The following REPS2 variants were observed in gnomAD, a reference collection of about 807,000 sequenced individuals.
REPS2 encodes the protein ralBP1-associated Eps domain-containing protein 2.
A neutral mutation model predicts 53.6 loss-of-function variants in REPS2; 23 were observed. That is an observed-to-expected ratio of 0.43 (90% CI 0.31 to 0.61). The LOEUF (loss-of-function observed/expected upper bound fraction) is 0.61. REPS2 is among the 20% of genes least tolerant of loss of function. The pLI is 0.11. For missense variants in REPS2, 446 were observed against 534.9 expected (o/e 0.83, Z 1.64); for synonymous variants, 238 against 218.6 (o/e 1.09, Z -0.78).
At chrX:17,017,556 G>GAT (rs756415128) in intron 2 of REPS2, among the ~76,000 whole-genome samples, 5,573 of 105,514 alleles carry the variant, frequency 0.053, 271 homozygotes, top group African/African-American at 0.14. Context: ...TGGTTACAGG[G>GAT]ATATATATAT....
chrX:17,034,216 T>C (rs1228826385), intron 5 of REPS2, among the ~76,000 whole-genome samples: 1 of 112,142 alleles, frequency 8.9e-6, no homozygotes, highest in East Asian at 2.8e-4. Flanking sequence ...TGTATCATTC[T>C]AGGAACATTT....
At chrX:17,027,122 G>A (rs1476799229) in intron 4 of REPS2, among the ~76,000 whole-genome samples, 1 of 111,796 alleles carries the variant, frequency 8.9e-6, no homozygotes, top group Non-Finnish European at 1.9e-5. Flanking sequence ...TTCAATTTGA[G>A]TTTTAGCAAA....
At chrX:17,176,021 G>C in the REPS2 span, among the ~76,000 whole-genome samples, 21 of 112,358 alleles carry the variant, frequency 1.9e-4, no homozygotes, top group Non-Finnish European at 3.8e-4. Flanking sequence ...AATACATCTA[G>C]CTGTGTGCCA....
rs186389289 is a variant in REPS2, at chrX:16,971,827, C to G, written c.273+24693C>G. 2.7e-3 allele frequency among the ~76,000 whole-genome samples: 301 copies of G among 112,230 alleles called. 3 individuals carry two copies. The highest frequency in any genetic ancestry group is 0.025 in the Admixed American group (264 of 10,535). On this transcript the variant is annotated intron_variant, in intron 1 of 17. Coordinates refer to ENST00000357277, the MANE Select transcript of REPS2 (RefSeq NM_004726.3). ...GAACCCTTGTGCAAAACCAATTGAC[C>G]TTATGTAAATGTAAGGGCTTATGTC...
chrX:17,128,118 G>A (rs1603093860), intron 14 of REPS2, among the ~76,000 whole-genome samples: 2 of 96,322 alleles, frequency 2.1e-5, no homozygotes, highest in East Asian at 7.0e-4. Flanking sequence ...ACGTTGCATA[G>A]TGTCTCAGGT....
rs528151820 is a variant in REPS2, at chrX:17,146,554, A to G, written c.1915-859A>G. Among the ~76,000 whole-genome samples the G allele has an allele frequency of 4.3e-4, 48 of 112,071 alleles. 1 individual carries two copies. In the South Asian group the frequency reaches 0.018, roughly 41 times the overall value. On this transcript the variant is annotated intron_variant, in intron 17 of 17. Coordinates refer to ENST00000357277, the MANE Select transcript of REPS2 (RefSeq NM_004726.3). ...ATTATCTTTCTCAAGTCATTTGAAT[A>G]TAAGCCCTATTGCTCTGATCTGGCA...
chrX:17,028,783 C>T (rs2061676201), intron 4 of REPS2, among the ~76,000 whole-genome samples: 2 of 111,775 alleles, frequency 1.8e-5, no homozygotes, highest in Admixed American at 1.9e-4. Flanking sequence ...AACTATTAAC[C>T]TATAGAGATG....
At chrX:16,959,211 ACCCAGGCCCC>A (rs1352499963) in intron 1 of REPS2, among the ~76,000 whole-genome samples, 2 of 111,919 alleles carry the variant, frequency 1.8e-5, no homozygotes, top group Non-Finnish European at 3.8e-5. Flanking sequence ...TGGTCCTCCC[ACCCAGGCCCC>A]CCCAGGTAGC....
At chrX:17,187,420 G>T in the REPS2 span, among the ~76,000 whole-genome samples, 1 of 111,851 alleles carries the variant, frequency 8.9e-6, no homozygotes, top group African/African-American at 3.3e-5. Flanking sequence ...ATCTAGAGCG[G>T]CTGACACAGA....
chrX:17,138,592 C>A, intron 16 of REPS2: 1 of 229,862 alleles, frequency 4.4e-6, no homozygotes, highest in Non-Finnish European at 7.8e-6. Context: ...ATAAATGGAA[C>A]ACAAATGTTT....
rs2061362379 is a variant in REPS2 at position 17,006,298 on chromosome X, T to G, written c.351T>G (p.Ala117=). ...TTTACATTGCCCTGAAATTAATTGCTGCAGCACAATCTGGCCTCCCGGTAC... is the reference window on the plus strand; with the variant it reads ...TTTACATTGCCCTGAAATTAATTGCGGCAGCACAATCTGGCCTCCCGGTAC... The part of the protein sequence containing the change: ...TQFYIALKLI[A]AAQSGLPVRI... The change falls in exon 2 of 18, where the codon GCT becomes GCG. Residue 117 remains alanine (A), a synonymous_variant. Coordinates refer to ENST00000357277, the MANE Select transcript of REPS2 (RefSeq NM_004726.3). The G allele has an allele frequency of 1.7e-6, 2 of 1,210,483 alleles. No homozygotes were observed. Among genetic ancestry groups the G allele is most frequent in the East Asian group, 5.9e-5 (2 of 33,849 alleles).
intron 17 of REPS2, 60 bp from the exon 18 acceptor site, chrX:17,147,353 G>T: frequency 1.1e-6 from 1 of 905,806 alleles, no homozygotes; most frequent in Non-Finnish European, 1.6e-6. Context: ...ATGAAGTAGG[G>T]ATGAATTCAA....
intron 1 of REPS2, among the ~76,000 whole-genome samples, chrX:16,990,858 A>G (rs1392013725): frequency 1.8e-5 from 2 of 111,177 alleles, no homozygotes; most frequent in African/African-American, 6.6e-5. Flanking sequence ...GGTTTAATTA[A>G]GAAAGTATTT....
intron 1 of REPS2, among the ~76,000 whole-genome samples, chrX:16,989,051 A>G (rs991303293): frequency 4.5e-5 from 5 of 111,825 alleles, no homozygotes; most frequent in Admixed American, 9.6e-5. Flanking sequence ...ATTTTAAGAC[A>G]TATAACTACA....
At chrX:17,134,660 C>T (rs969220707) in intron 15 of REPS2, among the ~76,000 whole-genome samples, 10 of 109,855 alleles carry the variant, frequency 9.1e-5, no homozygotes, top group African/African-American at 2.7e-4. Context: ...GACAGAGTCT[C>T]GCTTTGTTGC....
chrX:17,089,275 T>C (rs2062584116), intron 13 of REPS2, among the ~76,000 whole-genome samples: 1 of 111,450 alleles, frequency 9.0e-6, no homozygotes, highest in African/African-American at 3.3e-5. Flanking sequence ...ACAAATAGTA[T>C]ACTGAACATC....
At chrX:17,010,462 G>C (rs189482807) in intron 2 of REPS2, among the ~76,000 whole-genome samples, 92 of 111,977 alleles carry the variant, frequency 8.2e-4, no homozygotes, top group African/African-American at 2.9e-3. Context: ...GGGTGGGCCT[G>C]CTGGGTAATG....
intron 4 of REPS2, among the ~76,000 whole-genome samples, chrX:17,028,419 A>G (rs748529419): frequency 8.9e-6 from 1 of 112,408 alleles, no homozygotes; most frequent in African/African-American, 3.2e-5. Context: ...TAAAATTTGG[A>G]TTATGTGCTC....
the REPS2 span, among the ~76,000 whole-genome samples, chrX:17,188,303 G>T: frequency 8.9e-6 from 1 of 112,251 alleles, no homozygotes; most frequent in African/African-American, 3.2e-5. Context: ...TTCTTTGGTT[G>T]CCCACTTTCC....
Sources: allele counts gnomAD v4.1 joint callset (sites outside exome capture counted in the v4.1 genomes callset), GRCh38; gene constraint gnomAD v4.1.1; transcripts MANE v1.5; gene names NCBI Gene and HGNC (gene_info 2026-07-23, HGNC 2026-07-21).